GGT1: variants seen among roughly 807,000 people sequenced by gnomAD.
The protein encoded by GGT1 is glutathione hydrolase 1 proenzyme.
GGT1 carries 21 observed loss-of-function variants against 56.0 expected under a neutral mutation model. The ratio of observed to expected loss-of-function variants is 0.38; its 90% CI spans 0.27 to 0.54. The LOEUF (loss-of-function observed/expected upper bound fraction) is 0.54. Ranked by LOEUF, GGT1 falls within the 20% of genes least tolerant of loss-of-function variation. The pLI is 0.82. For missense variants in GGT1, 466 were observed against 787.0 expected, an observed-to-expected ratio of 0.59 and a Z score of 4.88; for synonymous variants, 238 against 342.6, an observed-to-expected ratio of 0.69 and a Z score of 3.37.
intron 5 of GGT1, among the ~76,000 whole-genome samples, chr22:24,613,256 T>G (rs1347396648): frequency 2.6e-5 from 4 of 151,952 alleles, no homozygotes; most frequent in Non-Finnish European, 5.9e-5. Context: ...AAGACTGTTT[T>G]CTAGAGATGG....
the GGT1 span, among the ~76,000 whole-genome samples, chr22:24,587,958 G>A: frequency 6.6e-6 from 1 of 152,196 alleles, no homozygotes; most frequent in Non-Finnish European, 1.5e-5. Flanking sequence ...CAGGGATTGA[G>A]GGATGTATGA....
chr22:24,620,647 T>C lies in GGT1; in HGVS notation c.575+127T>C, dbSNP rs1184934427. Reference sequence around the variant, plus strand: ...CTGTGCTGATAATGGGATGAGGAGATACAGACCCTTCCCACCACGTGTGGG... The same window carrying C: ...CTGTGCTGATAATGGGATGAGGAGACACAGACCCTTCCCACCACGTGTGGG... On this transcript the variant is annotated intron_variant, in intron 8 of 15. Coordinates refer to ENST00000400382, the MANE Select transcript of GGT1 (RefSeq NM_001288833.2). This position sits in a 1 kb window ranked among gnomAD's most constrained non-coding sequence, Gnocchi z 5.6. The C allele has an allele frequency of 6.6e-7, 1 of 1,508,790 alleles. No homozygotes were observed. The highest frequency in any genetic ancestry group is 1.4e-5 in the African/African-American group (1 of 71,802). The allele number at this position is 1,508,790 out of a possible 1,614,324, so 93.5% of individuals were successfully genotyped here.
At chr22:24,584,573 G>C in the GGT1 span, among the ~76,000 whole-genome samples, 343 of 152,298 alleles carry the variant, frequency 2.3e-3, 2 homozygotes, top group African/African-American at 7.8e-3. Context: ...ACAGGGGATG[G>C]ATGCGCCGCT....
intron 5 of GGT1, among the ~76,000 whole-genome samples, chr22:24,612,422 T>C (rs953344969): frequency 2.0e-5 from 3 of 151,378 alleles, no homozygotes; most frequent in Non-Finnish European, 4.4e-5. Flanking sequence ...CAACTCATCA[T>C]TTAGCATTAG....
the GGT1 span, chr22:24,589,299 C>T: frequency 1.6e-6 from 2 of 1,214,792 alleles, no homozygotes; most frequent in East Asian, 7.2e-5. Flanking sequence ...GCAAACTCCA[C>T]CCCAGCAAGG....
the GGT1 span, chr22:24,585,753 G>A: frequency 2.0e-6 from 2 of 1,009,402 alleles, no homozygotes; most frequent in Non-Finnish European, 1.4e-6. Flanking sequence ...CCATTCTTCT[G>A]TCCCCTTAAT....
intron 11 of GGT1, among the ~76,000 whole-genome samples, chr22:24,625,077 G>A (rs563012498): frequency 1.3e-4 from 20 of 152,254 alleles, no homozygotes; most frequent in African/African-American, 4.6e-4. Flanking sequence ...TGTTTCTGTC[G>A]GATTTCCTAA....
rs1304957797 is a variant in GGT1, at chr22:24,628,662, G to A, written c.1564-31G>A. 6.2e-7 allele frequency: 1 copy of A among 1,610,956 alleles called. No individual in the cohort carries two copies. The highest frequency in any genetic ancestry group is 8.5e-7 in the Non-Finnish European group (1 of 1,179,850). On this transcript the variant is annotated intron_variant, in intron 15 of 15. Coordinates refer to ENST00000400382, the MANE Select transcript of GGT1 (RefSeq NM_001288833.2). This position sits in a 1 kb window ranked among gnomAD's most constrained non-coding sequence, Gnocchi z 5.7. ...TGGTTCAGGTGGCATCTGGAGCCCTGCTCAGGCTTCCCCTCTCCTCCCACC... is the reference window on the plus strand; with the variant it reads ...TGGTTCAGGTGGCATCTGGAGCCCTACTCAGGCTTCCCCTCTCCTCCCACC...
the GGT1 span, chr22:24,586,466 G>A: frequency 6.5e-7 from 1 of 1,549,628 alleles, no homozygotes; most frequent in Non-Finnish European, 8.8e-7. Context: ...TCCCCCCACT[G>A]ACCACAGACA....
At chr22:24,619,579 A>G (rs1601730126) in intron 7 of GGT1, among the ~76,000 whole-genome samples, 1 of 61,060 alleles carries the variant, frequency 1.6e-5, no homozygotes, top group African/African-American at 7.6e-5. Context: ...AAAACAGACA[A>G]ACAAACAAAA....
At chr22:24,586,509 C>A in the GGT1 span, 1 of 1,264,756 alleles carries the variant, frequency 7.9e-7, no homozygotes, top group South Asian at 1.4e-5. Context: ...GGCCTACAGT[C>A]TGGCAAAGCC....
chr22:24,598,933 A>C (rs758145814), upstream of GGT1, among the ~76,000 whole-genome samples: 1 of 152,104 alleles, frequency 6.6e-6, no homozygotes, highest in African/African-American at 2.4e-5. Flanking sequence ...TTTTTTAAAA[A>C]AATTAATTAA....
At chr22:24,611,312 AC>A (rs1040713046) in intron 5 of GGT1, 67 bp downstream of exon 5, 4 of 968,040 alleles carry the variant, frequency 4.1e-6, no homozygotes, top group Non-Finnish European at 6.5e-6. Flanking sequence ...CAATACCTTC[AC>A]CCCCCTGAGA....
rs4535160 is a variant in GGT1 at position 24,624,818 on chromosome 22, G to C, written c.1020+902G>C. 343 of 162,388 alleles carry C rather than the reference G, an allele frequency of 2.1e-3. 2 individuals carry two copies. Among genetic ancestry groups the C allele is most frequent in the African/African-American group, 8.0e-3 (333 of 41,492 alleles). 10.1% of individuals were successfully genotyped at this position (162,388 alleles called of 1,614,324 possible). A position where few individuals can be genotyped will look rare whatever the true frequency, so the allele number is the denominator to read the frequency against. On this transcript the variant is annotated intron_variant, in intron 11 of 15. Coordinates refer to ENST00000400382, the MANE Select transcript of GGT1 (RefSeq NM_001288833.2). Reference sequence around the variant, plus strand: ...CTCCTTCTGTCCTTTGCTCCTCTTAGAGCAAACATGGCTGGGCTATGTCCT... The same window carrying C: ...CTCCTTCTGTCCTTTGCTCCTCTTACAGCAAACATGGCTGGGCTATGTCCT...
At chr22:24,612,486 A>C (rs200443637) in intron 5 of GGT1, among the ~76,000 whole-genome samples, 1 of 99,292 alleles carries the variant, frequency 1.0e-5, no homozygotes, top group Non-Finnish European at 1.8e-5. Flanking sequence ...ACTGTTGCCC[A>C]AACAGGGACA....
chr22:24,599,977 C>T (rs1475041209), upstream of GGT1, among the ~76,000 whole-genome samples: 1 of 152,218 alleles, frequency 6.6e-6, no homozygotes, highest in Non-Finnish European at 1.5e-5. Context: ...GGAGATCAGG[C>T]TGTGGCATGG....
At chr22:24,613,820 C>A (rs1384096024) in intron 5 of GGT1, among the ~76,000 whole-genome samples, 2 of 151,360 alleles carry the variant, frequency 1.3e-5, no homozygotes, top group Non-Finnish European at 2.9e-5. Context: ...GAGGTTGAGG[C>A]GATAGGATTG....
intron 7 of GGT1, among the ~76,000 whole-genome samples, chr22:24,616,375 C>T (rs1331016447): frequency 3.3e-5 from 5 of 150,332 alleles, no homozygotes; most frequent in Non-Finnish European, 7.4e-5. Flanking sequence ...GATCATGCCA[C>T]TGCACTCCAG....
intron 1 of GGT1, among the ~76,000 whole-genome samples, chr22:24,597,366 A>G (rs2045712129): frequency 6.6e-6 from 1 of 152,198 alleles, no homozygotes; most frequent in Admixed American, 6.5e-5. Flanking sequence ...TCGTGTGAGG[A>G]AAAACCAACT....
Sources: allele counts gnomAD v4.1 joint callset (sites outside exome capture counted in the v4.1 genomes callset), GRCh38; gene constraint gnomAD v4.1.1; non-coding constraint Gnocchi (gnomAD v3.1); transcripts MANE v1.5; gene names NCBI Gene and HGNC (gene_info 2026-07-23, HGNC 2026-07-21).